PPRC1: variants seen among roughly 807,000 people sequenced by gnomAD.
The protein encoded by PPRC1 is peroxisome proliferator-activated receptor gamma coactivator-related protein 1.
Under a neutral mutation model 132.5 loss-of-function variants are expected in PPRC1, and 23 were observed. That is an observed-to-expected ratio of 0.17 (90% CI 0.12 to 0.25). PPRC1 has a LOEUF of 0.25. PPRC1 is among the 10% of genes least tolerant of loss of function. The pLI, the probability that PPRC1 is intolerant of heterozygous loss-of-function variation, is 1.00. For synonymous variants in PPRC1, 872 were observed against 833.5 expected (o/e 1.05, Z -0.80); for missense variants, 2,006 against 2,089.1 (o/e 0.96, Z 0.78).
At position 102,149,987 on chromosome 10, in the gene PPRC1, T is replaced by C. The variant is rs759415617; in HGVS notation, c.4953T>C (p.Phe1651=). The change falls in exon 14 of 14, where the codon TTT becomes TTC. Residue 1651 remains phenylalanine (F), a synonymous_variant. Coordinates refer to ENST00000278070, the MANE Select transcript of PPRC1 (RefSeq NM_015062.5). ...PVKSKFDSLD[F]DTLLKQAQKN... ...AGAGCAAATTTGATTCTCTTGACTT[T>C]GACACATTGTTGAAACAGGCCCAGA... is the stretch of plus-strand genomic sequence containing the variant. 2 of 1,613,672 alleles carry C rather than the reference T, an allele frequency of 1.2e-6. No individual in the cohort carries two copies. Among genetic ancestry groups the C allele is most frequent in the Non-Finnish European group, 1.7e-6 (2 of 1,179,718 alleles).
chr10:102,124,151 C>T, the PPRC1 span, among the ~76,000 whole-genome samples: 2 of 151,660 alleles, frequency 1.3e-5, no homozygotes, highest in South Asian at 4.2e-4. Context: ...CTGCAACCGC[C>T]GCCTCCCAGG....
At position 102,150,234 on chromosome 10, in the gene PPRC1, T is replaced by A. The variant is rs1297163933; in HGVS notation, c.*205T>A. On this transcript the variant is annotated 3_prime_UTR_variant, in exon 14 of 14. Transcript: ENST00000278070. ...TAACAGGTATTGAAACAAGTTAACT[T>A]GCATTCCTATGTAAGATAGGAGGGG... 2 of 487,452 alleles carry A rather than the reference T, an allele frequency of 4.1e-6. No individual in the cohort carries two copies. The highest frequency in any genetic ancestry group is 7.5e-6 in the Non-Finnish European group (2 of 267,620). The allele number at this position is 487,452 out of a possible 1,614,324, so 30.2% of individuals were successfully genotyped here.
chr10:102,128,923 CTTTTTTTTTTTTT>C (rs1027475920), upstream of PPRC1, among the ~76,000 whole-genome samples: 1 of 75,642 alleles, frequency 1.3e-5, no homozygotes, highest in African/African-American at 5.5e-5. Context: ...CAGCGGCAGT[CTTTTTTTTTTTTT>C]TTTTTTTTTT....
chr10:102,147,075 G>T lies in PPRC1; in HGVS notation c.4083G>T (p.Glu1361Asp), dbSNP rs756962946. The change falls in exon 9 of 14, where the codon GAG (glutamate) becomes GAT (aspartate). Residue 1361 changes from glutamate (E) to aspartate (D), a missense_variant. This residue lies in a region of PPRC1 where 1,914 missense variants were observed against 1,917.2 expected (regional missense o/e 1.00). Coordinates refer to ENST00000278070, the MANE Select transcript of PPRC1 (RefSeq NM_015062.5). Reference protein sequence around the residue: ...REPLDHRTSSEQADPSAPCLA... With the variant: ...REPLDHRTSSDQADPSAPCLA... The stretch of plus-strand genomic sequence containing the variant: ...CGCTTGATCACAGGACTAGCAGTGA[G>T]CAGGCAGATCCCTCAGCACCCTGCC... 1 of 1,614,142 alleles carries T rather than the reference G, an allele frequency of 6.2e-7. No homozygotes were observed. Among genetic ancestry groups the T allele is most frequent in the African/African-American group, 1.3e-5 (1 of 75,046 alleles).
chr10:102,120,048 G>A, the PPRC1 span: 1 of 1,409,800 alleles, frequency 7.1e-7, no homozygotes, highest in Non-Finnish European at 9.4e-7. Context: ...AGGGACGGCT[G>A]GGCAGGAAGG....
At chr10:102,134,731 A>G (rs914799674) in intron 1 of PPRC1, among the ~76,000 whole-genome samples, 2 of 152,168 alleles carry the variant, frequency 1.3e-5, no homozygotes, top group African/African-American at 4.8e-5. Flanking sequence ...GGTCTAGGCC[A>G]GAATCTCAAG....
At chr10:102,128,951 A>ATTTT (rs2068502559), upstream of PPRC1, among the ~76,000 whole-genome samples, 1 of 61,486 alleles carries the variant, frequency 1.6e-5, no homozygotes, top group Non-Finnish European at 2.9e-5. Flanking sequence ...TTTTTTTGAG[A>ATTTT]CGGAGTCTCG....
At chr10:102,126,158 G>A in the PPRC1 span, among the ~76,000 whole-genome samples, 7 of 152,044 alleles carry the variant, frequency 4.6e-5, no homozygotes, top group South Asian at 2.1e-4. Flanking sequence ...CACCGCGCCC[G>A]GCTTGGCATC....
intron 5 of PPRC1, among the ~76,000 whole-genome samples, chr10:102,142,337 G>C (rs373341691): frequency 6.8e-6 from 1 of 146,428 alleles, no homozygotes; most frequent in East Asian, 2.0e-4. Context: ...TCCTGATCTC[G>C]TGATCCGCCT....
chr10:102,146,642 T>C, intron 8 of PPRC1, 30 bp from the exon 9 acceptor site: 3 of 1,577,600 alleles, frequency 1.9e-6, no homozygotes, highest in Non-Finnish European at 1.7e-6. Flanking sequence ...GATCTCATCC[T>C]GCTATCTCCA....
In PPRC1 at chr10:102,148,874, C is replaced by T; in HGVS notation, c.4675C>T (p.Leu1559=). 1 of 1,614,188 alleles carries T rather than the reference C, an allele frequency of 6.2e-7. No homozygotes were observed. Among genetic ancestry groups the T allele is most frequent in the Non-Finnish European group, 8.5e-7 (1 of 1,180,026 alleles). Residue 1559 remains leucine (L), a synonymous_variant, in exon 12 of 14, where the codon CTG becomes TTG. Coordinates refer to ENST00000278070, the MANE Select transcript of PPRC1 (RefSeq NM_015062.5). The surrounding 1 kb of genome is among the most constrained non-coding windows in gnomAD (Gnocchi z 4.2). ...ACCTGGCCGCATGACTCGATCAGAG[C>T]TGAAACAGAGGTTCTCCGTTTTTGG... ...KIPGRMTRSE[L]KQRFSVFGEI...
the PPRC1 span, among the ~76,000 whole-genome samples, chr10:102,123,399 G>C: frequency 3.3e-5 from 5 of 152,006 alleles, no homozygotes; most frequent in Admixed American, 6.6e-5. Flanking sequence ...CTATGTGGAG[G>C]GGGGGTCTTT....
chr10:102,148,417 T>C lies in PPRC1; in HGVS notation c.4446T>C (p.Ser1482=). 6.2e-7 allele frequency: 1 copy of C among 1,612,122 alleles called. No homozygotes were observed. The highest frequency in any genetic ancestry group is 1.3e-5 in the African/African-American group (1 of 75,010). Residue 1482 remains serine (S), a synonymous_variant, in exon 10 of 14, where the codon TCT becomes TCC. Transcript: ENST00000278070. This position sits in a 1 kb window ranked among gnomAD's most constrained non-coding sequence, Gnocchi z 4.2. ...SSGRSRRCSS[S]SSSSSSSSSS... is the part of the protein sequence containing the mutation. ...GACGTTCTCGAAGATGCTCTTCCTC[T>C]TCTTCGTCATCATCTTCCTCTTCGT...
At chr10:102,144,387 G>T in intron 7 of PPRC1, 80 bp downstream of exon 7, 2 of 1,372,506 alleles carry the variant, frequency 1.5e-6, no homozygotes, top group Non-Finnish European at 2.0e-6. Context: ...TCAACTGGAT[G>T]CCTCTGTTGC....
intron 1 of PPRC1, among the ~76,000 whole-genome samples, chr10:102,136,300 GTA>G (rs1234535560): frequency 2.6e-5 from 4 of 151,834 alleles, no homozygotes; most frequent in African/African-American, 9.7e-5. Flanking sequence ...TGTTAGGAGG[GTA>G]TATATTGCCG....
At chr10:102,120,390 CGTGTGCGT>C in the PPRC1 span, 295 of 983,750 alleles carry the variant, frequency 3.0e-4, 1 homozygote, top group Middle Eastern at 3.7e-3. Context: ...CGTGTGTGCG[CGTGTGCGT>C]GTGCGTGTCT....
intron 7 of PPRC1, 102 bp from the exon 8 acceptor site, chr10:102,144,918 T>TCTTCTCTGCACCCACCCCCTC: frequency 1.0e-6 from 1 of 963,994 alleles, no homozygotes; most frequent in Non-Finnish European, 1.6e-6. Flanking sequence ...TGCATCCCAT[T>TCTTCTCTGCACCCACCCCCTC]CTTCTCTGCA....
chr10:102,143,215 C>A lies in PPRC1; in HGVS notation c.3550+117C>A, dbSNP rs190810413. The A allele has an allele frequency of 7.7e-4, 677 of 884,448 alleles. 2 individuals are homozygous for A. The African/African-American group carries it at 9.8e-3, about 13-fold the overall frequency. The allele number at this position is 884,448 out of a possible 1,614,324, so 54.8% of individuals were successfully genotyped here. ...GGACAGCCTTAGCCACTGGAGCAGA[C>A]CCCTAATTGGAAGAGAGAGACAAGA... On this transcript the variant is annotated intron_variant, in intron 6 of 13. Coordinates refer to ENST00000278070, the MANE Select transcript of PPRC1 (RefSeq NM_015062.5).
chr10:102,141,607 G>C lies in PPRC1; in HGVS notation c.3099G>C (p.Ser1033=). The C allele has an allele frequency of 6.2e-7, 1 of 1,614,112 alleles. No individual in the cohort carries two copies. Among genetic ancestry groups the C allele is most frequent in the Non-Finnish European group, 8.5e-7 (1 of 1,180,018 alleles). The change falls in exon 5 of 14, where the codon TCG becomes TCC. Residue 1033 remains serine, a synonymous_variant. Transcript: ENST00000278070. ...CTCCTGAAAATGTACTTCCCTTGTC[G>C]ATGGCTCCTCCCCTCAGTCTTGGGC... ...AGPPENVLPL[S]MAPPLSLGLP...
Sources: allele counts gnomAD v4.1 joint callset (sites outside exome capture counted in the v4.1 genomes callset), GRCh38; gene constraint gnomAD v4.1.1; regional missense constraint gnomAD v4.1.1; non-coding constraint Gnocchi (gnomAD v3.1); transcripts MANE v1.5; gene names NCBI Gene and HGNC (gene_info 2026-07-23, HGNC 2026-07-21).